The following SLIT3 variants were observed in gnomAD, a reference collection of about 807,000 sequenced individuals.
The protein encoded by SLIT3 is slit guidance ligand 3.
Under a neutral mutation model 184.0 loss-of-function variants are expected in SLIT3, and 68 were observed. That is an observed-to-expected ratio of 0.37 (90% CI 0.30 to 0.45). The LOEUF (loss-of-function observed/expected upper bound fraction) is 0.45, where lower values mean the gene tolerates loss of function less well. SLIT3 is among the 20% of genes least tolerant of loss of function. The pLI, the probability that SLIT3 is intolerant of heterozygous loss-of-function variation, is 1.00. For synonymous variants in SLIT3, 831 were observed against 828.6 expected (o/e 1.00, Z -0.05); for missense variants, 1,707 against 2,026.0 (o/e 0.84, Z 3.02).
intron 32 of SLIT3, among the ~76,000 whole-genome samples, chr5:168,674,226 G>A (rs1228585863): frequency 1.3e-5 from 2 of 152,254 alleles, no homozygotes; most frequent in African/African-American, 2.4e-5. Context: ...ATGAGGAAAC[G>A]GTAGCTCAGG....
chr5:168,815,404 T>C (rs765845815), intron 8 of SLIT3, among the ~76,000 whole-genome samples: 19 of 152,240 alleles, frequency 1.2e-4, no homozygotes, highest in Non-Finnish European at 2.6e-4. Flanking sequence ...GGCACTCACC[T>C]GTAATGATGT....
chr5:168,983,105 T>C (rs1755006589), intron 4 of SLIT3, among the ~76,000 whole-genome samples: 1 of 152,220 alleles, frequency 6.6e-6, no homozygotes, highest in Admixed American at 6.5e-5. Flanking sequence ...AAGACCTGGA[T>C]GAATTGATGC....
intron 4 of SLIT3, among the ~76,000 whole-genome samples, chr5:168,954,485 T>A (rs1157850339): frequency 6.6e-6 from 1 of 152,170 alleles, no homozygotes; most frequent in African/African-American, 2.4e-5. Context: ...CCTGTCAGAT[T>A]CCCGGCTCAC....
intron 4 of SLIT3, among the ~76,000 whole-genome samples, chr5:169,026,858 ATAGGGACCAGGTCTC>A (rs1756846354): frequency 6.6e-6 from 1 of 152,134 alleles, no homozygotes; most frequent in South Asian, 2.1e-4. Context: ...AGAATAAAGG[ATAGGGACCAGGTCTC>A]TACTGTACCA....
intron 3 of SLIT3, among the ~76,000 whole-genome samples, chr5:169,203,794 G>C (rs1763980237): frequency 6.6e-6 from 1 of 152,140 alleles, no homozygotes; most frequent in South Asian, 2.1e-4. Flanking sequence ...TCAAGGATGA[G>C]GCTGATATTT....
intron 4 of SLIT3, among the ~76,000 whole-genome samples, chr5:169,043,093 A>G (rs113965461): frequency 6.6e-6 from 1 of 152,346 alleles, no homozygotes; most frequent in African/African-American, 2.4e-5. Flanking sequence ...GACACTTTAT[A>G]TAAGTAATCT....
At chr5:168,828,240 T>G (rs1757764274) in intron 6 of SLIT3, among the ~76,000 whole-genome samples, 1 of 152,166 alleles carries the variant, frequency 6.6e-6, no homozygotes, top group Non-Finnish European at 1.5e-5. Flanking sequence ...AATGCCGTGA[T>G]GGAATCGGAA....
chr5:169,158,376 C>G (rs947598586), intron 4 of SLIT3, among the ~76,000 whole-genome samples: 5 of 151,282 alleles, frequency 3.3e-5, no homozygotes, highest in African/African-American at 1.2e-4. Flanking sequence ...TATATCCAGC[C>G]AAAAATATCC....
intron 28 of SLIT3, among the ~76,000 whole-genome samples, chr5:168,695,202 TG>T (rs1479165515): frequency 6.6e-6 from 1 of 152,188 alleles, no homozygotes; most frequent in East Asian, 1.9e-4. Flanking sequence ...CATAAAGGCC[TG>T]GTTCCAGTAG....
chr5:169,152,247 T>C (rs901544505), intron 4 of SLIT3, among the ~76,000 whole-genome samples: 2 of 152,316 alleles, frequency 1.3e-5, no homozygotes, highest in Middle Eastern at 3.4e-3. Flanking sequence ...AATTCAACTA[T>C]GTGCATTTCT....
intron 4 of SLIT3, among the ~76,000 whole-genome samples, chr5:168,901,622 AC>A (rs1760878530): frequency 6.6e-6 from 1 of 152,200 alleles, no homozygotes; most frequent in African/African-American, 2.4e-5. Flanking sequence ...AAAAGATCCA[AC>A]CATCTTGGTT....
At chr5:168,957,086 G>T (rs1020647768) in intron 4 of SLIT3, among the ~76,000 whole-genome samples, 1 of 151,868 alleles carries the variant, frequency 6.6e-6, no homozygotes, top group African/African-American at 2.4e-5. Flanking sequence ...AAAATTAGCT[G>T]GGCGTGGTGG....
intron 4 of SLIT3, among the ~76,000 whole-genome samples, chr5:169,109,011 C>G (rs1057223086): frequency 6.6e-6 from 1 of 152,164 alleles, no homozygotes. Flanking sequence ...TGATGCCCCC[C>G]ACTTGAGTGT....
intron 25 of SLIT3, 200 bp from the exon 26 acceptor site, chr5:168,708,300 A>C: frequency 1.6e-6 from 1 of 631,984 alleles, no homozygotes. Flanking sequence ...CAGTGAGGAA[A>C]AATCACAGTG....
At chr5:168,695,478 G>A (rs150620438) in intron 28 of SLIT3, among the ~76,000 whole-genome samples, 33 of 152,306 alleles carry the variant, frequency 2.2e-4, no homozygotes, top group Middle Eastern at 3.4e-3. Context: ...ATTATATGCA[G>A]TGCTTCCCAA....
intron 12 of SLIT3, among the ~76,000 whole-genome samples, chr5:168,774,693 G>T (rs1358818636): frequency 6.6e-6 from 1 of 152,016 alleles, no homozygotes; most frequent in Non-Finnish European, 1.5e-5. Context: ...TTCTGTTTTA[G>T]GATTCAGAGC....
At chr5:168,825,098 GT>G in intron 6 of SLIT3, among the ~76,000 whole-genome samples, 2 of 152,278 alleles carry the variant, frequency 1.3e-5, no homozygotes, top group Middle Eastern at 6.8e-3. Context: ...GAGGAAACAG[GT>G]AATGGTACCT....
chr5:169,004,201 C>T (rs990344632), intron 4 of SLIT3, among the ~76,000 whole-genome samples: 1 of 152,006 alleles, frequency 6.6e-6, no homozygotes. Context: ...CAACACGAAA[C>T]CCGAAGGGCT....
At chr5:168,954,314 G>A (rs1233257833) in intron 4 of SLIT3, among the ~76,000 whole-genome samples, 2 of 152,096 alleles carry the variant, frequency 1.3e-5, no homozygotes, top group East Asian at 3.9e-4. Flanking sequence ...GCACATATGA[G>A]GCTCTCCAAA....
Sources: gnomAD v4.1 joint callset for allele counts (sites outside exome capture counted in the v4.1 genomes callset) on GRCh38, gnomAD v4.1.1 for gene constraint, MANE v1.5 for transcripts, NCBI Gene and HGNC (gene_info 2026-07-23, HGNC 2026-07-21) for gene names.